TBC1D25: variants seen among roughly 807,000 people sequenced by gnomAD.
TBC1D25 encodes the protein 5SN3 snoRNA.
In TBC1D25, 13 loss-of-function variants were observed where a neutral mutation model predicts 38.8. That is an observed-to-expected ratio of 0.34 (90% confidence interval 0.22 to 0.53). The LOEUF is 0.53. Ranked by LOEUF, TBC1D25 falls within the 20% of genes least tolerant of loss-of-function variation. The probability of loss-of-function intolerance (pLI) is 0.94; values close to 1 mark genes in which losing one functional copy is unlikely to be tolerated. For missense variants in TBC1D25, 372 were observed against 600.0 expected (o/e 0.62, Z 3.97); for synonymous variants, 225 against 255.6 (o/e 0.88, Z 1.14).
chrX:48,539,754 G>T lies in TBC1D25; in HGVS notation c.-44G>T, dbSNP rs1226247555. 2.8e-5 allele frequency: 26 copies of T among 944,681 alleles called. No individual in the cohort carries two copies. In the South Asian group the frequency reaches 4.7e-4, roughly 17 times the overall value. 77.9% of individuals were successfully genotyped at this position (944,681 alleles called of 1,213,427 possible). Reference sequence around the variant, plus strand: ...AGTACAGTAGAGTGTGCGCCGGGGTGGGGGGCAACGGTCAGCCGTCACCCT... The same window carrying T: ...AGTACAGTAGAGTGTGCGCCGGGGTTGGGGGCAACGGTCAGCCGTCACCCT... On this transcript the variant is annotated 5_prime_UTR_variant, in exon 1 of 6. Coordinates refer to ENST00000376771, the MANE Select transcript of TBC1D25 (RefSeq NM_002536.4).
chrX:48,558,537 G>C (rs1413390990), intron 3 of TBC1D25, among the ~76,000 whole-genome samples: 1 of 112,222 alleles, frequency 8.9e-6, no homozygotes, highest in Non-Finnish European at 1.9e-5. Context: ...GTCAGTATTG[G>C]CAAAGAATTC....
chrX:48,556,547 G>A (rs1556984469), intron 3 of TBC1D25, among the ~76,000 whole-genome samples: 1 of 109,951 alleles, frequency 9.1e-6, no homozygotes, highest in African/African-American at 3.3e-5. Flanking sequence ...CCTGAGGTCA[G>A]GAGTTGGAGA....
Position 48,545,007 on chromosome X carries a change from T to C in TBC1D25, c.372T>C (p.Ile124=). 8.3e-7 allele frequency: 1 copy of C among 1,202,518 alleles called. No individual in the cohort carries two copies. The highest frequency in any genetic ancestry group is 1.1e-6 in the Non-Finnish European group (1 of 891,509). The change falls in exon 3 of 6, where the codon ATT becomes ATC. Residue 124 remains isoleucine (I), a synonymous_variant. Coordinates refer to ENST00000376771, the MANE Select transcript of TBC1D25 (RefSeq NM_002536.4). ...SKPYLQLRVD[I]RPSEDSPLLE... ...CTTACCTGCAATTGCGTGTAGATAT[T>C]CGGCCCTCGGAGGACAGTGAGTACT...
chrX:48,555,259 A>T (rs1556984234), intron 3 of TBC1D25, among the ~76,000 whole-genome samples: 1 of 110,554 alleles, frequency 9.0e-6, no homozygotes, highest in Non-Finnish European at 1.9e-5. Context: ...CTCTCTTTGG[A>T]CCCCTTAGGT....
chrX:48,544,854 G>C lies in TBC1D25; in HGVS notation c.234-15G>C. The stretch of plus-strand genomic sequence containing the variant: ...CACCAGGGGCCCTGAGAGCTCCCTC[G>C]TATCCCCTGTCCAGGAAGAAGAACT... On this transcript the variant is annotated splice_polypyrimidine_tract_variant and intron_variant, in intron 2 of 5. Coordinates refer to ENST00000376771, the MANE Select transcript of TBC1D25 (RefSeq NM_002536.4). The C allele has an allele frequency of 8.3e-7, 1 of 1,210,030 alleles. No homozygotes were observed. The highest frequency in any genetic ancestry group is 1.1e-6 in the Non-Finnish European group (1 of 894,566).
intron 2 of TBC1D25, 54 bp from the exon 3 acceptor site, chrX:48,544,815 T>G: frequency 1.7e-6 from 2 of 1,193,236 alleles, no homozygotes; most frequent in Non-Finnish European, 2.3e-6. Context: ...AAACTGTCCC[T>G]GAGGCCTCCA....
Position 48,539,755 on chromosome X carries a change from G to A in TBC1D25, c.-43G>A. ...GTACAGTAGAGTGTGCGCCGGGGTG[G>A]GGGGCAACGGTCAGCCGTCACCCTG... On this transcript the variant is annotated 5_prime_UTR_variant, in exon 1 of 6. Coordinates refer to ENST00000376771, the MANE Select transcript of TBC1D25 (RefSeq NM_002536.4). 1 of 947,027 alleles carries A rather than the reference G, an allele frequency of 1.1e-6. No individual in the cohort carries two copies. Among genetic ancestry groups the A allele is most frequent in the East Asian group, 4.2e-5 (1 of 24,040 alleles). 78.0% of individuals were successfully genotyped at this position (947,027 alleles called of 1,213,427 possible).
intron 3 of TBC1D25, among the ~76,000 whole-genome samples, chrX:48,552,243 G>C (rs1215015459): frequency 9.0e-6 from 1 of 110,905 alleles, no homozygotes; most frequent in Non-Finnish European, 1.9e-5. Flanking sequence ...CTGGAGTGCA[G>C]TGGCACGATC....
intron 3 of TBC1D25, among the ~76,000 whole-genome samples, chrX:48,557,885 T>A (rs1426505910): frequency 1.8e-5 from 2 of 108,889 alleles, no homozygotes; most frequent in Non-Finnish European, 3.8e-5. Context: ...CCAAGGCGAG[T>A]GGATCACGTG....
intron 3 of TBC1D25, among the ~76,000 whole-genome samples, chrX:48,554,559 CAAAAAAAAA>C (rs60207287): frequency 1.9e-5 from 1 of 51,909 alleles, no homozygotes; most frequent in Non-Finnish European, 3.5e-5. Flanking sequence ...GACTCCATCT[CAAAAAAAAA>C]AAAAAAAAAA....
rs2061826380 is a variant in TBC1D25, at chrX:48,540,054, T to C, written c.123+134T>C. 3.5e-6 allele frequency: 3 copies of C among 848,401 alleles called. No homozygotes were observed. In the African/African-American group the frequency reaches 6.3e-5, roughly 18 times the overall value. The allele number at this position is 848,401 out of a possible 1,213,427, so 69.9% of individuals were successfully genotyped here. On this transcript the variant is annotated intron_variant, in intron 1 of 5. Coordinates refer to ENST00000376771, the MANE Select transcript of TBC1D25 (RefSeq NM_002536.4). ...GCGGCGAAGCTTGAGGGCCAAGTGA[T>C]GATGGCGAGGGGTAGGGAGGGCCTG...
intron 3 of TBC1D25, among the ~76,000 whole-genome samples, chrX:48,554,700 C>T (rs1366628316): frequency 9.0e-6 from 1 of 110,897 alleles, no homozygotes; most frequent in African/African-American, 3.3e-5. Flanking sequence ...CTGACATCTC[C>T]ACCTGATCCC....
intron 3 of TBC1D25, among the ~76,000 whole-genome samples, chrX:48,548,879 G>A (rs1556982535): frequency 8.9e-6 from 1 of 112,122 alleles, no homozygotes; most frequent in African/African-American, 3.2e-5. Context: ...GCTATCATTA[G>A]ACATATTAAT....
Position 48,539,750 on chromosome X carries a change from G to A in TBC1D25, c.-48G>A. 1 of 946,625 alleles carries A rather than the reference G, an allele frequency of 1.1e-6. No individual in the cohort carries two copies. The highest frequency in any genetic ancestry group is 1.3e-6 in the Non-Finnish European group (1 of 759,531). 78.0% of individuals were successfully genotyped at this position (946,625 alleles called of 1,213,427 possible). On this transcript the variant is annotated 5_prime_UTR_variant, in exon 1 of 6. Transcript: ENST00000376771. The stretch of plus-strand genomic sequence containing the variant: ...CGTCAGTACAGTAGAGTGTGCGCCG[G>A]GGTGGGGGGCAACGGTCAGCCGTCA...
chrX:48,560,881 G>A lies in TBC1D25; in HGVS notation c.1973G>A (p.Arg658His), dbSNP rs782695904. ...CTTGTGCGAAAACACCACCTGGGGC[G>A]CGTCCTGCGCCGGGCTAGGGCTCTC... ...DRLVRKHHLG[R>H]VLRRARALFA... Residue 658 changes from arginine (R) to histidine (H), a missense_variant, in exon 6 of 6, where the codon CGC becomes CAC. Arg to His is a conservative substitution (Grantham distance 29). Transcript: ENST00000376771. The A allele has an allele frequency of 1.6e-6, 2 of 1,212,246 alleles. No individual in the cohort carries two copies. Among genetic ancestry groups the A allele is most frequent in the Admixed American group, 2.2e-5 (1 of 46,140 alleles).
At chrX:48,550,391 G>C (rs1556982886) in intron 3 of TBC1D25, among the ~76,000 whole-genome samples, 1 of 111,458 alleles carries the variant, frequency 9.0e-6, no homozygotes, top group Non-Finnish European at 1.9e-5. Flanking sequence ...TTATTTCTGG[G>C]CTTTCTATTG....
In TBC1D25 at chrX:48,560,559, C is replaced by T. The variant is rs1478742651; in HGVS notation, c.1651C>T (p.Leu551Phe). The T allele has an allele frequency of 1.7e-6, 2 of 1,208,529 alleles. No individual in the cohort carries two copies. Residue 551 changes from leucine (L) to phenylalanine (F), a missense_variant, in exon 6 of 6, where the codon CTC (leucine) becomes TTC (phenylalanine). Physicochemically the swap from Leu to Phe is conservative, Grantham distance 22. Transcript: ENST00000376771. ...EPLLNSPDPL[L>F]SSFSHPDSPS... ...TTTATTGAACTCCCCAGACCCACTG[C>T]TCTCCTCCTTTTCCCACCCTGATTC...
chrX:48,544,742 C>G, intron 2 of TBC1D25, 127 bp from the exon 3 acceptor site: 1 of 867,206 alleles, frequency 1.2e-6, no homozygotes, highest in Non-Finnish European at 1.6e-6. Context: ...ATCCTTGGCA[C>G]AGTACCTTGC....
Position 48,558,285 on chromosome X carries a change from C to T in TBC1D25, c.389-612C>T, listed in dbSNP as rs2061992716. Among the ~76,000 whole-genome samples the T allele has an allele frequency of 4.5e-5, 5 of 111,745 alleles. No homozygotes were observed. The South Asian group carries it at 1.8e-3, about 41-fold the overall frequency. On this transcript the variant is annotated intron_variant, in intron 3 of 5. Coordinates refer to ENST00000376771, the MANE Select transcript of TBC1D25 (RefSeq NM_002536.4). ...TACTATTTGTTCCAAACCTTTTTGT[C>T]ATCGTCTGTAAAATGAGAATGGTAA...
Sources: allele counts gnomAD v4.1 joint callset (sites outside exome capture counted in the v4.1 genomes callset), GRCh38; gene constraint gnomAD v4.1.1; transcripts MANE v1.5; gene names NCBI Gene and HGNC (gene_info 2026-07-23, HGNC 2026-07-21).